The following NBEA variants were observed in gnomAD, a reference collection of about 807,000 sequenced individuals.
The protein encoded by NBEA is lysosomal-trafficking regulator 2.
A neutral mutation model predicts 343.4 loss-of-function variants in NBEA; 44 were observed. The observed-to-expected ratio is 0.13, with a 90% CI of 0.10 to 0.16. NBEA has a LOEUF of 0.16. Ranked by LOEUF, NBEA falls within the 10% of genes least tolerant of loss-of-function variation. The pLI is 1.00. For missense variants in NBEA, 2,555 were observed against 3,631.3 expected (o/e 0.70, Z 7.62); for synonymous variants, 1,175 against 1,238.7 (o/e 0.95, Z 1.08).
intron 29 of NBEA, 73 bp downstream of exon 29, chr13:35,182,601 T>G: frequency 7.4e-7 from 1 of 1,355,440 alleles, no homozygotes. Flanking sequence ...ACATCTAGAT[T>G]TAAACTGGAC....
chr13:35,412,472 T>C (rs2043646320), intron 38 of NBEA, among the ~76,000 whole-genome samples: 1 of 152,166 alleles, frequency 6.6e-6, no homozygotes, highest in Admixed American at 6.6e-5. Context: ...TTTCCTTCAA[T>C]TTGGCAAAAA....
chr13:35,476,115 C>T (rs2075851576), intron 41 of NBEA: 7 of 1,614,024 alleles, frequency 4.3e-6, no homozygotes, highest in Non-Finnish European at 5.9e-6. Context: ...GATGGTAGAC[C>T]AGCTTGGCCT....
chr13:35,397,340 C>A (rs1328941012), intron 38 of NBEA, among the ~76,000 whole-genome samples: 1 of 152,146 alleles, frequency 6.6e-6, no homozygotes, highest in African/African-American at 2.4e-5. Flanking sequence ...GAGCTGTCAG[C>A]TCATATGTCA....
intron 48 of NBEA, among the ~76,000 whole-genome samples, chr13:35,611,306 A>C (rs991118366): frequency 2.0e-5 from 3 of 152,248 alleles, no homozygotes; most frequent in African/African-American, 7.2e-5. Flanking sequence ...AGGGATAAAC[A>C]AACTAAAATA....
Position 34,998,879 on chromosome 13 carries a change from C to G in NBEA, c.295-42054C>G, listed in dbSNP as rs796306642. ...GATTAAAGACAGGCATAGGAAATCA[C>G]AAGGGTATTGATTGGGGAAGTGATA... On this transcript the variant is annotated intron_variant, in intron 1 of 58. Coordinates refer to ENST00000379939, the MANE Select transcript of NBEA (RefSeq NM_001385012.1). Among the ~76,000 whole-genome samples, 12 of 152,238 alleles carry G rather than the reference C, an allele frequency of 7.9e-5. 1 individual carries two copies. Among genetic ancestry groups the G allele is most frequent in the African/African-American group, 2.9e-4 (12 of 41,542 alleles).
chr13:35,302,770 A>G (rs1170631319), intron 35 of NBEA, among the ~76,000 whole-genome samples: 2 of 152,220 alleles, frequency 1.3e-5, no homozygotes, highest in Admixed American at 1.3e-4. Flanking sequence ...ATGTTGTAGT[A>G]TAGTCATTAT....
chr13:35,399,239 A>G (rs911694972), intron 38 of NBEA, among the ~76,000 whole-genome samples: 3 of 152,184 alleles, frequency 2.0e-5, no homozygotes, highest in African/African-American at 7.2e-5. Flanking sequence ...CTTTTTCCAT[A>G]TCAGCAATAA....
intron 47 of NBEA, among the ~76,000 whole-genome samples, chr13:35,604,804 G>T (rs776394748): frequency 1.3e-5 from 2 of 151,878 alleles, no homozygotes; most frequent in African/African-American, 4.8e-5. Flanking sequence ...CTCCCTGAGG[G>T]TGCCCGGCCC....
rs760035668 is a variant in NBEA, at chr13:35,671,152, TTGTG to T, written c.*165_*168del. On this transcript the variant is annotated 3_prime_UTR_variant, in exon 59 of 59. Coordinates refer to ENST00000379939, the MANE Select transcript of NBEA (RefSeq NM_001385012.1). ...CATTGTAGTCAGCAACCATTTTACT[TTGTG>T]TGTTTTTTCACGACTGAACACCAGC... 5.3e-6 allele frequency: 3 copies of T among 569,504 alleles called. No homozygotes were observed. Among genetic ancestry groups the T allele is most frequent in the Non-Finnish European group, 9.4e-6 (3 of 318,320 alleles). 35.3% of individuals were successfully genotyped at this position (569,504 alleles called of 1,614,324 possible).
chr13:35,367,378 T>C (rs1193117295), intron 38 of NBEA, among the ~76,000 whole-genome samples: 2 of 151,392 alleles, frequency 1.3e-5, no homozygotes, highest in Non-Finnish European at 3.0e-5. Context: ...TATGTGTCAG[T>C]AAATAAATGG....
In NBEA at chr13:35,372,948, T is replaced by A. The variant is rs187073822; in HGVS notation, c.6179+20625T>A. Among the ~76,000 whole-genome samples the A allele has an allele frequency of 3.3e-5, 5 of 152,222 alleles. No homozygotes were observed. The East Asian group carries it at 9.7e-4, about 29-fold the overall frequency. On this transcript the variant is annotated intron_variant, in intron 38 of 58. Transcript: ENST00000379939. Reference sequence around the variant, plus strand: ...GCTTAGGCCTCAGGGGTATGTGGGATCAGTTTGAGCTCCTTTTCTCTGGCA... The same window carrying A: ...GCTTAGGCCTCAGGGGTATGTGGGAACAGTTTGAGCTCCTTTTCTCTGGCA...
rs1372488145 is a variant in NBEA at position 35,138,023 on chromosome 13, CATAATT to C, written c.2337-4244_2337-4239del. 3.3e-5 allele frequency among the ~76,000 whole-genome samples: 5 copies of C among 152,044 alleles called. No individual in the cohort carries two copies. In the South Asian group the frequency reaches 8.3e-4, roughly 25 times the overall value. On this transcript the variant is annotated intron_variant, in intron 17 of 58. Coordinates refer to ENST00000379939, the MANE Select transcript of NBEA (RefSeq NM_001385012.1). ...ATTTTCCTGATATTATTAGGAATCT[CATAATT>C]AGTAGAAAAAAGATGAACACACAGA...
intron 1 of NBEA, among the ~76,000 whole-genome samples, chr13:34,963,020 A>G (rs1044854124): frequency 6.6e-6 from 1 of 152,032 alleles, no homozygotes; most frequent in African/African-American, 2.4e-5. Flanking sequence ...TACTGATTTA[A>G]TGTGGGATAC....
chr13:35,542,838 C>A (rs185674741), intron 41 of NBEA, among the ~76,000 whole-genome samples: 3 of 152,022 alleles, frequency 2.0e-5, no homozygotes, highest in Admixed American at 2.0e-4. Context: ...TTACTATTAT[C>A]ATCTGTTTTA....
intron 47 of NBEA, among the ~76,000 whole-genome samples, chr13:35,601,761 C>CAAAAAAAAAAAA (rs869213180): frequency 4.8e-4 from 55 of 114,926 alleles, no homozygotes; most frequent in African/African-American, 1.9e-3. Flanking sequence ...GACTCCATCG[C>CAAAAAAAAAAAA]AAAAAAAAAA....
At chr13:35,134,507 A>T (rs1232781904) in intron 17 of NBEA, among the ~76,000 whole-genome samples, 2 of 152,086 alleles carry the variant, frequency 1.3e-5, no homozygotes, top group South Asian at 4.1e-4. Context: ...ACCTACTTAG[A>T]AATTAAGAAG....
At chr13:35,060,176 A>C (rs966563272) in intron 8 of NBEA, among the ~76,000 whole-genome samples, 1 of 138,448 alleles carries the variant, frequency 7.2e-6, no homozygotes, top group Admixed American at 7.0e-5. Context: ...ACAAGCAAAC[A>C]AATGAAATAT....
chr13:35,635,075 T>C (rs2083638439), intron 49 of NBEA, among the ~76,000 whole-genome samples: 1 of 152,142 alleles, frequency 6.6e-6, no homozygotes, highest in Admixed American at 6.6e-5. Flanking sequence ...GACAAAAAAT[T>C]AACACACTTT....
intron 26 of NBEA, among the ~76,000 whole-genome samples, chr13:35,172,594 T>TG (rs1158099011): frequency 6.6e-6 from 1 of 152,114 alleles, no homozygotes; most frequent in African/African-American, 2.4e-5. Flanking sequence ...CACATTTAGT[T>TG]GTTTAATCAA....
Sources: allele counts gnomAD v4.1 joint callset (sites outside exome capture counted in the v4.1 genomes callset), GRCh38; gene constraint gnomAD v4.1.1; transcripts MANE v1.5; gene names NCBI Gene and HGNC (gene_info 2026-07-23, HGNC 2026-07-21).